Variants in SESN1 observed in about 807,000 individuals in gnomAD.
The protein encoded by SESN1 is sestrin 1, also known as sestrin-1.
In SESN1, 30 loss-of-function variants were observed where a neutral mutation model predicts 59.3. The observed-to-expected ratio is 0.51, with a 90% CI of 0.38 to 0.69. The LOEUF is 0.69. SESN1 is among the 30% of genes least tolerant of loss of function. SESN1 has a pLI of 0.00. For missense variants in SESN1, 566 were observed against 673.0 expected, an observed-to-expected ratio of 0.84 and a Z score of 1.76; for synonymous variants, 197 against 219.9, an observed-to-expected ratio of 0.90 and a Z score of 0.92.
chr6:109,061,621 T>C (rs572948094), intron 1 of SESN1, among the ~76,000 whole-genome samples: 1 of 151,752 alleles, frequency 6.6e-6, no homozygotes, highest in South Asian at 2.1e-4. Flanking sequence ...CTGGGCAACA[T>C]GGTGAAACCC....
chr6:109,086,170 C>T (rs1417998146), intron 1 of SESN1, among the ~76,000 whole-genome samples: 1 of 152,084 alleles, frequency 6.6e-6, no homozygotes, highest in Non-Finnish European at 1.5e-5. Flanking sequence ...ACCAGTCTGG[C>T]CAACATGGTG....
chr6:108,992,940 G>T, intron 6 of SESN1, 41 bp from the exon 7 acceptor site: 2 of 1,325,576 alleles, frequency 1.5e-6, no homozygotes, highest in Non-Finnish European at 2.2e-6. Context: ...AAAATAGGAT[G>T]CTAGTTAAAA....
chr6:109,092,461 T>G (rs1229741099), intron 1 of SESN1, among the ~76,000 whole-genome samples: 1 of 152,220 alleles, frequency 6.6e-6, no homozygotes, highest in African/African-American at 2.4e-5. Flanking sequence ...CACGATTGGT[T>G]ATCTGGTTTC....
At chr6:109,055,679 A>AAAAG (rs1371518865) in intron 1 of SESN1, among the ~76,000 whole-genome samples, 2 of 151,008 alleles carry the variant, frequency 1.3e-5, no homozygotes, top group African/African-American at 2.4e-5. Flanking sequence ...AAAAAAAAAA[A>AAAAG]AAAGAAAGAA....
At chr6:109,067,394 CATTTT>C (rs1780849386) in intron 1 of SESN1, among the ~76,000 whole-genome samples, 1 of 152,156 alleles carries the variant, frequency 6.6e-6, no homozygotes, top group Non-Finnish European at 1.5e-5. Flanking sequence ...CTTTTATGGA[CATTTT>C]GGAGGTAAAA....
chr6:109,039,009 AAG>A (rs1376889059), intron 1 of SESN1, among the ~76,000 whole-genome samples: 5 of 149,810 alleles, frequency 3.3e-5, no homozygotes, highest in Admixed American at 1.3e-4. Flanking sequence ...GAAAAGAAGA[AAG>A]AGAAAGAAAG....
At chr6:109,006,992 G>A (rs2114331166) in intron 1 of SESN1, among the ~76,000 whole-genome samples, 1 of 152,318 alleles carries the variant, frequency 6.6e-6, no homozygotes, top group East Asian at 1.9e-4. Context: ...TTGAAAAGCA[G>A]ATGTAGATAC....
chr6:108,991,633 A>C (rs1418467395), intron 7 of SESN1, among the ~76,000 whole-genome samples: 1 of 152,072 alleles, frequency 6.6e-6, no homozygotes, highest in African/African-American at 2.4e-5. Context: ...TGAGTCTCCT[A>C]ATTAGTTTTC....
At chr6:108,996,849 A>G (rs1398867778) in intron 5 of SESN1, among the ~76,000 whole-genome samples, 1 of 152,204 alleles carries the variant, frequency 6.6e-6, no homozygotes, top group East Asian at 1.9e-4. Flanking sequence ...ATGAAAAATT[A>G]TTCAGTGCTA....
Position 108,994,656 on chromosome 6 carries a change from T to C in SESN1, c.973-47A>G, listed in dbSNP as rs756658378. 4.2e-6 allele frequency: 6 copies of C among 1,425,862 alleles called. No individual in the cohort carries two copies. The Admixed American group carries it at 6.6e-5, about 16-fold the overall frequency. 88.3% of individuals were successfully genotyped at this position (1,425,862 alleles called of 1,614,324 possible). ...TGTTACATGTGGCAGACATAGAATA[T>C]ATATGAATTATCTTTTAAGTCTGTC... On this transcript the variant is annotated intron_variant, in intron 5 of 9. Coordinates refer to ENST00000436639, the MANE Select transcript of SESN1 (RefSeq NM_014454.3).
intron 6 of SESN1, 33 bp downstream of exon 6, chr6:108,994,429 T>C (rs1277804145): frequency 6.5e-7 from 1 of 1,529,488 alleles, no homozygotes; most frequent in Non-Finnish European, 8.9e-7. Flanking sequence ...GAGTTTGCAA[T>C]AATTATATTG....
chr6:109,044,469 A>C (rs1349085559), intron 1 of SESN1, among the ~76,000 whole-genome samples: 1 of 152,098 alleles, frequency 6.6e-6, no homozygotes, highest in Non-Finnish European at 1.5e-5. Flanking sequence ...TCTAGACATA[A>C]ACCTCATACC....
At chr6:109,012,459 C>T (rs1218856050) in intron 1 of SESN1, among the ~76,000 whole-genome samples, 1 of 152,150 alleles carries the variant, frequency 6.6e-6, no homozygotes, top group Non-Finnish European at 1.5e-5. Flanking sequence ...GTAATGCACT[C>T]AGCCTTATTT....
intron 1 of SESN1, among the ~76,000 whole-genome samples, chr6:109,079,315 A>C (rs2114473982): frequency 6.6e-6 from 1 of 152,278 alleles, no homozygotes; most frequent in African/African-American, 2.4e-5. Context: ...TTAAGCTTTA[A>C]TGTAGTATTT....
intron 1 of SESN1, among the ~76,000 whole-genome samples, chr6:109,037,331 A>G (rs1780265193): frequency 6.6e-6 from 1 of 152,226 alleles, no homozygotes; most frequent in African/African-American, 2.4e-5. Context: ...ACAGAAAAGA[A>G]GTATGTTTTT....
At position 109,094,053 on chromosome 6, in the gene SESN1, T is replaced by A. The variant is rs1233922609; in HGVS notation, c.21A>T (p.Glu7Asp). 4 of 1,613,754 alleles carry A rather than the reference T, an allele frequency of 2.5e-6. No individual in the cohort carries two copies. The Admixed American group carries it at 6.7e-5, about 27-fold the overall frequency. MAEGEN[E>D]VRWDGLCSRD... ...TGCTGCAGAGTCCATCCCATCTCAC[T>A]TCATTCTCTCCTTCAGCCATGACAA... Residue 7 changes from glutamate (E) to aspartate (D), a missense_variant, in exon 1 of 10, where the codon GAA becomes GAT. By Grantham distance (45) the Glu-to-Asp change is conservative. Transcript: ENST00000436639.
intron 1 of SESN1, among the ~76,000 whole-genome samples, chr6:109,036,735 C>T (rs1362606418): frequency 6.6e-6 from 1 of 152,180 alleles, no homozygotes; most frequent in East Asian, 1.9e-4. Context: ...GGAAGTGCTA[C>T]CACAATTTTA....
intron 1 of SESN1, among the ~76,000 whole-genome samples, chr6:109,055,727 T>C (rs1780621670): frequency 6.6e-6 from 1 of 151,424 alleles, no homozygotes; most frequent in South Asian, 2.1e-4. Context: ...ACAATATGGT[T>C]CACAAAAGTC....
intron 4 of SESN1, 168 bp from the exon 5 acceptor site, chr6:108,998,923 T>A (rs1290340487): frequency 1.6e-6 from 1 of 610,860 alleles, no homozygotes; most frequent in Non-Finnish European, 2.7e-6. Flanking sequence ...TTTATGAATA[T>A]GCATTCACAA....
Sources: gnomAD v4.1 joint callset for allele counts (sites outside exome capture counted in the v4.1 genomes callset) on GRCh38, gnomAD v4.1.1 for gene constraint, MANE v1.5 for transcripts, NCBI Gene and HGNC (gene_info 2026-07-23, HGNC 2026-07-21) for gene names.